The following AGBL4 variants were observed in gnomAD, a reference collection of about 807,000 sequenced individuals.
The protein encoded by AGBL4 is AGBL carboxypeptidase 4.
A neutral mutation model predicts 66.4 loss-of-function variants in AGBL4; 58 were observed. That is an observed-to-expected ratio of 0.87 (90% CI 0.71 to 1.09). The LOEUF is 1.09. Among genes scored for constraint, AGBL4 ranks in the 50% least tolerant of loss-of-function variants. The probability of loss-of-function intolerance (pLI) is 0.00; values close to 1 mark genes in which losing one functional copy is unlikely to be tolerated. For missense variants in AGBL4, 579 were observed against 631.0 expected (o/e 0.92, Z 0.88); for synonymous variants, 234 against 222.9 (o/e 1.05, Z -0.44).
chr1:48,885,484 G>A (rs529144153), intron 5 of AGBL4, among the ~76,000 whole-genome samples: 5 of 152,096 alleles, frequency 3.3e-5, no homozygotes, highest in Non-Finnish European at 7.4e-5. Flanking sequence ...TGTTTAAATC[G>A]ATATTCCTGT....
chr1:49,434,690 GTGGTGGTGGTGGTGGTGC>G (rs1645862721), intron 3 of AGBL4, among the ~76,000 whole-genome samples: 1 of 150,992 alleles, frequency 6.6e-6, no homozygotes, highest in Non-Finnish European at 1.5e-5. Context: ...GGTAGTGGTG[GTGGTGGTGGTGGTGGTGC>G]TGGTGGTGGT....
chr1:49,947,650 C>T (rs1571931449), intron 1 of AGBL4, among the ~76,000 whole-genome samples: 1 of 151,538 alleles, frequency 6.6e-6, no homozygotes, highest in Admixed American at 6.6e-5. Flanking sequence ...AGGATGCCCA[C>T]TCTCACCACT....
At chr1:49,985,364 T>C (rs1440080526) in intron 1 of AGBL4, among the ~76,000 whole-genome samples, 5 of 151,852 alleles carry the variant, frequency 3.3e-5, no homozygotes, top group Admixed American at 1.3e-4. Context: ...GCTCAAGAAA[T>C]AAAGGCCTGA....
intron 5 of AGBL4, among the ~76,000 whole-genome samples, chr1:48,926,047 C>G (rs1464426435): frequency 6.6e-6 from 1 of 152,076 alleles, no homozygotes; most frequent in African/African-American, 2.4e-5. Context: ...CAAATGTGGG[C>G]ACCTTTAGAA....
intron 6 of AGBL4, among the ~76,000 whole-genome samples, chr1:48,733,205 T>C (rs1648436767): frequency 6.6e-6 from 1 of 151,996 alleles, no homozygotes; most frequent in African/African-American, 2.4e-5. Flanking sequence ...TTGTAAGAAA[T>C]GAGTGATCAA....
At chr1:49,099,628 C>T (rs1187096430) in intron 4 of AGBL4, among the ~76,000 whole-genome samples, 2 of 152,098 alleles carry the variant, frequency 1.3e-5, no homozygotes, top group East Asian at 3.9e-4. Context: ...TGAACTACTT[C>T]TTTTTTGTAC....
At chr1:49,192,989 T>A (rs1025709209) in intron 4 of AGBL4, among the ~76,000 whole-genome samples, 2 of 152,208 alleles carry the variant, frequency 1.3e-5, no homozygotes, top group African/African-American at 4.8e-5. Context: ...ATTTCCTCCA[T>A]GTTTTCTAGT....
chr1:49,428,407 T>A (rs745416804), intron 3 of AGBL4, among the ~76,000 whole-genome samples: 2 of 152,148 alleles, frequency 1.3e-5, no homozygotes, highest in Non-Finnish European at 2.9e-5. Flanking sequence ...GCATTTCTAA[T>A]AAAACTGAGA....
At chr1:49,751,047 A>G (rs1385371918) in intron 2 of AGBL4, among the ~76,000 whole-genome samples, 1 of 152,144 alleles carries the variant, frequency 6.6e-6, no homozygotes, top group South Asian at 2.1e-4. Context: ...AGATAATTTG[A>G]CTTCCTCTCT....
chr1:49,925,231 A>G (rs956648381), intron 1 of AGBL4, among the ~76,000 whole-genome samples: 2 of 152,180 alleles, frequency 1.3e-5, no homozygotes, highest in Non-Finnish European at 2.9e-5. Flanking sequence ...TGGCAGAGTC[A>G]CGGGGCCCTC....
intron 5 of AGBL4, among the ~76,000 whole-genome samples, chr1:49,015,276 T>A (rs965259755): frequency 6.6e-6 from 1 of 151,976 alleles, no homozygotes; most frequent in Non-Finnish European, 1.5e-5. Context: ...CTTTCCGCTA[T>A]CTAAAGCTGG....
intron 3 of AGBL4, among the ~76,000 whole-genome samples, chr1:49,609,329 T>G (rs1194207533): frequency 6.6e-6 from 1 of 151,484 alleles, no homozygotes; most frequent in Non-Finnish European, 1.5e-5. Context: ...GGAATAAAAA[T>G]CACCAACAAA....
intron 4 of AGBL4, among the ~76,000 whole-genome samples, chr1:49,132,373 C>A (rs1004654002): frequency 3.9e-5 from 6 of 152,034 alleles, no homozygotes; most frequent in African/African-American, 1.4e-4. Flanking sequence ...ACTTTTTATC[C>A]TCCAGCTAGC....
chr1:49,750,083 T>A (rs1179157590), intron 2 of AGBL4, among the ~76,000 whole-genome samples: 1 of 152,068 alleles, frequency 6.6e-6, no homozygotes, highest in Non-Finnish European at 1.5e-5. Context: ...AAAATAAACA[T>A]TAATCCTTAC....
chr1:49,939,942 A>G (rs941801852), intron 1 of AGBL4, among the ~76,000 whole-genome samples: 16 of 152,218 alleles, frequency 1.1e-4, no homozygotes, highest in Non-Finnish European at 2.4e-4. Context: ...AAATTTTCGT[A>G]ACCTACTCAT....
rs939241639 is a variant in AGBL4 at position 49,842,445 on chromosome 1, C to G, written c.157+8951G>C. On this transcript the variant is annotated intron_variant, in intron 2 of 13. Transcript: ENST00000371839. ...CCTGTCCATGCTTGCTCCCTGGTTT[C>G]TCTGTCTGCATGTGCTCTCTAATTC... 5.6e-6 allele frequency: 5 copies of G among 891,294 alleles called. No homozygotes were observed. The African/African-American group carries it at 9.0e-5, about 16-fold the overall frequency. 55.2% of individuals were successfully genotyped at this position (891,294 alleles called of 1,614,324 possible).
At chr1:49,105,370 G>A (rs779121758) in intron 4 of AGBL4, among the ~76,000 whole-genome samples, 2 of 152,168 alleles carry the variant, frequency 1.3e-5, no homozygotes, top group Non-Finnish European at 2.9e-5. Flanking sequence ...TCATAGAACT[G>A]TTACTTGGAA....
intron 3 of AGBL4, among the ~76,000 whole-genome samples, chr1:49,679,453 T>C (rs957075337): frequency 1.4e-4 from 22 of 152,110 alleles, no homozygotes; most frequent in Admixed American, 3.9e-4. Context: ...TATAATAACA[T>C]TTGAAATACA....
At chr1:49,541,865 G>T (rs917046141) in intron 3 of AGBL4, among the ~76,000 whole-genome samples, 1 of 152,120 alleles carries the variant, frequency 6.6e-6, no homozygotes, top group African/African-American at 2.4e-5. Context: ...TCTAGCTCAA[G>T]GTTTGTAAAT....
Sources: allele counts gnomAD v4.1 joint callset (sites outside exome capture counted in the v4.1 genomes callset), GRCh38; gene constraint gnomAD v4.1.1; transcripts MANE v1.5; gene names NCBI Gene and HGNC (gene_info 2026-07-23, HGNC 2026-07-21).